PCDH15: variants seen among roughly 807,000 people sequenced by gnomAD.
PCDH15 encodes protocadherin-15.
In PCDH15, 129 loss-of-function variants were observed where a neutral mutation model predicts 178.5. The ratio of observed to expected loss-of-function variants is 0.72; its 90% CI spans 0.63 to 0.84. The LOEUF (loss-of-function observed/expected upper bound fraction) is 0.84, where lower values mean the gene tolerates loss of function less well. PCDH15 is among the 40% of genes least tolerant of loss of function. The pLI is 0.00. For missense variants in PCDH15, 2,230 were observed against 2,099.9 expected (o/e 1.06, Z -1.21); for synonymous variants, 800 against 732.0 (o/e 1.09, Z -1.50).
At chr10:55,088,935 T>C (rs1274960803) in intron 2 of PCDH15, among the ~76,000 whole-genome samples, 1 of 152,140 alleles carries the variant, frequency 6.6e-6, no homozygotes, top group Non-Finnish European at 1.5e-5. Context: ...TATTTGAATT[T>C]GTATGCAGGG....
chr10:54,590,277 G>A lies in PCDH15; in HGVS notation c.92-62400C>T, dbSNP rs541013997. Among the ~76,000 whole-genome samples the A allele has an allele frequency of 2.0e-5, 3 of 152,126 alleles. No individual in the cohort carries two copies. In the South Asian group the frequency reaches 6.2e-4, roughly 31 times the overall value. ...AAAGAACATAACTGATTTGCTCAAA[G>A]TCATATAACTCAGAAGTGACCGAAT... On this transcript the variant is annotated intron_variant, in intron 2 of 37. Coordinates refer to ENST00000644397, the MANE Select transcript of PCDH15 (RefSeq NM_001384140.1).
intron 2 of PCDH15, among the ~76,000 whole-genome samples, chr10:54,643,057 G>T (rs544873365): frequency 6.6e-6 from 1 of 152,120 alleles, no homozygotes; most frequent in African/African-American, 2.4e-5. Context: ...CGAGTAGCTG[G>T]GATTACAGGT....
rs149216345 is a variant in PCDH15 at position 54,098,569 on chromosome 10, A to T, written c.1918-8506T>A. On this transcript the variant is annotated intron_variant, in intron 15 of 37. Transcript: ENST00000644397. ...ATACTAACTGTAACATTACCCTGAG[A>T]GCTGTCTCTAGAATAGTGTTTGGTT... 8.8e-3 allele frequency among the ~76,000 whole-genome samples: 1,345 copies of T among 152,244 alleles called. 15 individuals carry two copies. The highest frequency in any genetic ancestry group is 0.014 in the South Asian group (66 of 4,824).
At chr10:54,414,719 A>G (rs1954065169) in intron 3 of PCDH15, among the ~76,000 whole-genome samples, 1 of 152,116 alleles carries the variant, frequency 6.6e-6, no homozygotes, top group Non-Finnish European at 1.5e-5. Context: ...CATTATCAGC[A>G]TTATATAACA....
At chr10:54,022,139 T>C (rs1257898663) in intron 19 of PCDH15, among the ~76,000 whole-genome samples, 2 of 151,768 alleles carry the variant, frequency 1.3e-5, no homozygotes, top group African/African-American at 2.4e-5. Flanking sequence ...TTCCAAAACA[T>C]ACCTTATAGA....
intron 2 of PCDH15, among the ~76,000 whole-genome samples, chr10:55,342,072 T>C (rs1056439156): frequency 6.6e-6 from 1 of 150,980 alleles, no homozygotes; most frequent in Admixed American, 6.6e-5. Flanking sequence ...AAAATCAATC[T>C]TTTCATTTTA....
At chr10:54,912,503 T>C (rs1224985982) in intron 2 of PCDH15, among the ~76,000 whole-genome samples, 1 of 152,154 alleles carries the variant, frequency 6.6e-6, no homozygotes, top group Non-Finnish European at 1.5e-5. Flanking sequence ...TCCACCATGA[T>C]TGTAAGTTTC....
intron 14 of PCDH15, among the ~76,000 whole-genome samples, chr10:54,144,417 A>G (rs1174131368): frequency 6.6e-6 from 1 of 151,970 alleles, no homozygotes; most frequent in Non-Finnish European, 1.5e-5. Context: ...GCAGCCTCTC[A>G]AAAAAGTATT....
At position 55,301,157 on chromosome 10, in the gene PCDH15, G is replaced by C. The variant is rs562097531; in HGVS notation, c.-156+18442C>G. On this transcript the variant is annotated intron_variant, in intron 1 of 5. Coordinates refer to the PCDH15 transcript ENST00000458638. ...GTAATGTATCATATGATAGTTGTAT[G>C]TTTAATTTGGCAACAAACTGTTCAA... is the stretch of plus-strand genomic sequence containing the variant. 3.3e-5 allele frequency among the ~76,000 whole-genome samples: 5 copies of C among 152,230 alleles called. No homozygotes were observed. In the East Asian group the frequency reaches 9.6e-4, roughly 29 times the overall value.
At chr10:55,080,471 T>G (rs2250778) in intron 2 of PCDH15, among the ~76,000 whole-genome samples, 70,168 of 152,008 alleles carry the variant, frequency 0.46, 20,147 homozygotes, top group African/African-American at 0.81. Flanking sequence ...AAATGTTGGG[T>G]ACCACTGCAC....
At chr10:55,244,072 A>G (rs1288545410) in intron 1 of PCDH15, among the ~76,000 whole-genome samples, 1 of 152,116 alleles carries the variant, frequency 6.6e-6, no homozygotes, top group Non-Finnish European at 1.5e-5. Flanking sequence ...AAATAAGAAT[A>G]TTCTGATAAT....
chr10:54,696,114 A>C (rs1450315951), intron 1 of PCDH15, among the ~76,000 whole-genome samples: 1 of 152,032 alleles, frequency 6.6e-6, no homozygotes, highest in Non-Finnish European at 1.5e-5. Flanking sequence ...GGGCAAAGTA[A>C]ATTGAAGACC....
intron 26 of PCDH15, among the ~76,000 whole-genome samples, chr10:53,879,838 CAT>C (rs1167767019): frequency 6.6e-6 from 1 of 152,022 alleles, no homozygotes; most frequent in East Asian, 1.9e-4. Flanking sequence ...CTCCTGGCCT[CAT>C]GTGGTTTTGC....
intron 2 of PCDH15, among the ~76,000 whole-genome samples, chr10:54,938,138 A>C (rs1733762): frequency 6.6e-6 from 1 of 151,894 alleles, no homozygotes; most frequent in African/African-American, 2.4e-5. Context: ...TTAAACTATC[A>C]TTAGATTTCT....
At chr10:55,029,298 AAT>A (rs1211172085) in intron 2 of PCDH15, among the ~76,000 whole-genome samples, 1 of 151,974 alleles carries the variant, frequency 6.6e-6, no homozygotes, top group Admixed American at 6.6e-5. Context: ...GTTTTATATA[AAT>A]ATGTGTGTAT....
At chr10:54,039,543 A>C (rs887605953) in intron 18 of PCDH15, among the ~76,000 whole-genome samples, 1 of 152,030 alleles carries the variant, frequency 6.6e-6, no homozygotes, top group Non-Finnish European at 1.5e-5. Context: ...ATCTAACAGA[A>C]GGAAAAACAT....
chr10:55,294,731 T>C (rs1564978363), intron 1 of PCDH15, among the ~76,000 whole-genome samples: 2 of 152,196 alleles, frequency 1.3e-5, no homozygotes, highest in Non-Finnish European at 2.9e-5. Flanking sequence ...GTCAGTTATG[T>C]AAGGACCTGA....
chr10:54,216,044 GAAAAAAAAAAAA>G (rs10648282), intron 9 of PCDH15, among the ~76,000 whole-genome samples: 1 of 70,390 alleles, frequency 1.4e-5, no homozygotes, highest in Non-Finnish European at 2.5e-5. Context: ...CTCCGTCTCA[GAAAAAAAAAAAA>G]AAAAAAAAAA....
intron 2 of PCDH15, among the ~76,000 whole-genome samples, chr10:55,374,633 T>C (rs1213294653): frequency 6.6e-6 from 1 of 151,992 alleles, no homozygotes; most frequent in African/African-American, 2.4e-5. Context: ...CATAATTAAA[T>C]AAATATTAAT....
Sources: allele counts gnomAD v4.1 joint callset (sites outside exome capture counted in the v4.1 genomes callset), GRCh38; gene constraint gnomAD v4.1.1; transcripts MANE v1.5; gene names NCBI Gene and HGNC (gene_info 2026-07-23, HGNC 2026-07-21).